MAGI3: variants seen among roughly 807,000 people sequenced by gnomAD.
MAGI3 encodes the protein membrane associated guanylate kinase, WW and PDZ domain containing 3, also known as membrane-associated guanylate kinase, WW and PDZ domain-containing protein 3.
A neutral mutation model predicts 121.8 loss-of-function variants in MAGI3; 43 were observed. That is an observed-to-expected ratio of 0.35 (90% CI 0.28 to 0.46). MAGI3 has a LOEUF of 0.46. Among genes scored for constraint, MAGI3 ranks in the 20% least tolerant of loss-of-function variants. MAGI3 has a pLI of 1.00. For synonymous variants in MAGI3, 553 were observed against 639.3 expected (o/e 0.86, Z 2.04); for missense variants, 1,547 against 1,797.3 (o/e 0.86, Z 2.52).
intron 17 of MAGI3, among the ~76,000 whole-genome samples, chr1:113,672,115 G>A (rs1013531539): frequency 4.6e-5 from 7 of 152,218 alleles, no homozygotes; most frequent in Non-Finnish European, 1.0e-4. Context: ...CATAGCATCT[G>A]GCTCTGCTAC....
At chr1:113,574,980 C>T (rs571147003) in intron 2 of MAGI3, among the ~76,000 whole-genome samples, 2 of 152,134 alleles carry the variant, frequency 1.3e-5, no homozygotes, top group Non-Finnish European at 2.9e-5. Flanking sequence ...GATTGATTTG[C>T]TTATTGATAC....
chr1:113,439,036 G>T (rs998848728), intron 1 of MAGI3, among the ~76,000 whole-genome samples: 1 of 152,032 alleles, frequency 6.6e-6, no homozygotes, highest in Non-Finnish European at 1.5e-5. Flanking sequence ...TGAGCTTTGG[G>T]GCCATTATTA....
intron 1 of MAGI3, among the ~76,000 whole-genome samples, chr1:113,413,785 C>T (rs541685761): frequency 2.4e-4 from 37 of 152,054 alleles, no homozygotes; most frequent in Non-Finnish European, 4.1e-4. Context: ...TGGGCTGAGA[C>T]GATGGGGTTT....
intron 1 of MAGI3, among the ~76,000 whole-genome samples, chr1:113,542,338 G>T (rs1049720619): frequency 1.2e-5 from 1 of 80,344 alleles, no homozygotes; most frequent in East Asian, 1.4e-3. Context: ...GGAACAGGAC[G>T]GTATGGGAGT....
rs994809910 is a variant in MAGI3 at position 113,683,373 on chromosome 1, A to AG, written c.3806dup (p.Ser1269ArgfsTer28). ...AGGGGAAAATAAAAGTTGTCAGGTC[A>AG]GCACCAGGGCAGGCTCTGGACAAGA... On this transcript the variant is annotated frameshift_variant, in exon 21 of 21. Coordinates refer to ENST00000307546, the MANE Select transcript of MAGI3 (RefSeq NM_001142782.2). LOFTEE classifies it low-confidence loss of function (END_TRUNC). 3.7e-6 allele frequency: 6 copies of AG among 1,613,946 alleles called. No individual in the cohort carries two copies. Among genetic ancestry groups the AG allele is most frequent in the Non-Finnish European group, 5.1e-6 (6 of 1,179,902 alleles).
chr1:113,556,116 A>C (rs1222310201), intron 2 of MAGI3, among the ~76,000 whole-genome samples: 2 of 152,178 alleles, frequency 1.3e-5, no homozygotes, highest in Admixed American at 6.5e-5. Context: ...TTATATTAGA[A>C]AATAATGAAG....
In MAGI3 at chr1:113,642,506, C is replaced by G; in HGVS notation, c.1956C>G (p.Ile652Met). Residue 652 changes from isoleucine to methionine, a missense_variant, in exon 10 of 21, where the codon ATC (isoleucine) becomes ATG (methionine). Coordinates refer to ENST00000307546, the MANE Select transcript of MAGI3 (RefSeq NM_001142782.2). ...FPVGADVPLL[I>M]LRGGPPSPTK... is the part of the protein sequence containing the mutation. Reference sequence around the variant, plus strand: ...TAGGTGCTGATGTACCATTGCTTATCTTAAGAGGAGGTAAGTAAAAGCACA... The same window carrying G: ...TAGGTGCTGATGTACCATTGCTTATGTTAAGAGGAGGTAAGTAAAAGCACA... 1 of 1,608,686 alleles carries G rather than the reference C, an allele frequency of 6.2e-7. No homozygotes were observed. Among genetic ancestry groups the G allele is most frequent in the South Asian group, 1.1e-5 (1 of 90,612 alleles).
chr1:113,426,357 A>T (rs970999309), intron 1 of MAGI3, among the ~76,000 whole-genome samples: 1 of 152,210 alleles, frequency 6.6e-6, no homozygotes, highest in African/African-American at 2.4e-5. Flanking sequence ...GTGCTTAAAA[A>T]AAGGTATATT....
chr1:113,459,151 AG>A (rs1259020245), intron 1 of MAGI3, among the ~76,000 whole-genome samples: 1 of 152,176 alleles, frequency 6.6e-6, no homozygotes, highest in East Asian at 1.9e-4. Context: ...TATTGTCAAA[AG>A]GCAGTATTTT....
intron 2 of MAGI3, among the ~76,000 whole-genome samples, chr1:113,550,764 A>AG (rs1388364976): frequency 1.3e-5 from 2 of 151,004 alleles, no homozygotes; most frequent in African/African-American, 4.8e-5. Context: ...ACTCAAAAAA[A>AG]AAAAAGAAAA....
In MAGI3 at chr1:113,662,871, TTGTC is replaced by T. The variant is rs547805977; in HGVS notation, c.2815+3608_2815+3611del. Among the ~76,000 whole-genome samples, 392 of 152,332 alleles carry T rather than the reference TTGTC, an allele frequency of 2.6e-3. 6 individuals carry two copies. Among genetic ancestry groups the T allele is most frequent in the Non-Finnish European group, 3.7e-3 (253 of 68,032 alleles). ...CAGTATTCCTCTTGACATTTAGCTG[TTGTC>T]TTTTTTTTCTTTTTAATTGGGATAG... is the stretch of plus-strand genomic sequence containing the variant. On this transcript the variant is annotated intron_variant, in intron 16 of 20. Transcript: ENST00000307546.
rs1054245672 is a variant in MAGI3, at chr1:113,391,472, T to A, written c.316+123T>A. 10 of 1,100,948 alleles carry A rather than the reference T, an allele frequency of 9.1e-6. 1 individual carries two copies. In the Admixed American group the frequency reaches 2.2e-4, roughly 25 times the overall value. 68.2% of individuals were successfully genotyped at this position (1,100,948 alleles called of 1,614,324 possible). On this transcript the variant is annotated intron_variant, in intron 1 of 20. Transcript: ENST00000307546. This position sits in a 1 kb window ranked among gnomAD's most constrained non-coding sequence, Gnocchi z 4.4. ...CGGGTAATCTTAGACCTCTAGGGTG[T>A]GCCAGACTCCTTGACGAGGGGGAGG... is the stretch of plus-strand genomic sequence containing the variant.
intron 3 of MAGI3, 84 bp from the exon 4 acceptor site, chr1:113,585,303 C>T (rs1045769383): frequency 1.4e-4 from 174 of 1,272,830 alleles, no homozygotes; most frequent in Non-Finnish European, 1.8e-4. Flanking sequence ...TTGTGAAAAA[C>T]AGGGCAGAGA....
intron 2 of MAGI3, among the ~76,000 whole-genome samples, chr1:113,550,618 T>C (rs1659741347): frequency 6.8e-6 from 1 of 147,182 alleles, no homozygotes; most frequent in Admixed American, 6.8e-5. Flanking sequence ...TAGCCGAGCA[T>C]GGTGGCAGGC....
chr1:113,450,675 A>G (rs1164654805), intron 1 of MAGI3: 19 of 1,080,358 alleles, frequency 1.8e-5, no homozygotes, highest in Admixed American at 5.1e-5. Context: ...GGCAGTCCCT[A>G]TGGTGGTGGT....
At chr1:113,533,492 A>G (rs1217646499) in intron 1 of MAGI3, among the ~76,000 whole-genome samples, 4 of 152,190 alleles carry the variant, frequency 2.6e-5, no homozygotes, top group African/African-American at 9.6e-5. Flanking sequence ...TAGTATGCTC[A>G]CTGTCTGGGT....
chr1:113,591,337 C>T (rs934618542), intron 5 of MAGI3, among the ~76,000 whole-genome samples: 5 of 152,066 alleles, frequency 3.3e-5, no homozygotes, highest in African/African-American at 1.2e-4. Context: ...CTGTAATTCT[C>T]ATCGTAAAGT....
intron 1 of MAGI3, among the ~76,000 whole-genome samples, chr1:113,522,953 C>T (rs181627464): frequency 6.6e-5 from 10 of 152,274 alleles, no homozygotes; most frequent in Non-Finnish European, 1.2e-4. Context: ...GCTGTGTCCC[C>T]AGCAAAATCT....
intron 1 of MAGI3, among the ~76,000 whole-genome samples, chr1:113,478,580 A>C (rs1401318867): frequency 6.6e-6 from 1 of 152,168 alleles, no homozygotes; most frequent in Non-Finnish European, 1.5e-5. Context: ...CAAATATTGC[A>C]CAACAGCCAA....
Sources: gnomAD v4.1 joint callset for allele counts (sites outside exome capture counted in the v4.1 genomes callset) on GRCh38, gnomAD v4.1.1 for gene constraint, Gnocchi (gnomAD v3.1) non-coding constraint, MANE v1.5 for transcripts, NCBI Gene and HGNC (gene_info 2026-07-23, HGNC 2026-07-21) for gene names.